The following MPRIP variants were observed in gnomAD, a reference collection of about 807,000 sequenced individuals.
The protein encoded by MPRIP is myosin phosphatase Rho interacting protein, also known as myosin phosphatase Rho-interacting protein.
A neutral mutation model predicts 234.9 loss-of-function variants in MPRIP; 59 were observed. The observed-to-expected ratio is 0.25, with a 90% CI of 0.20 to 0.31. The LOEUF is 0.31. Ranked by LOEUF, MPRIP falls within the 10% of genes least tolerant of loss-of-function variation. MPRIP has a pLI of 1.00. For synonymous variants in MPRIP, 1,144 were observed against 1,263.9 expected, an observed-to-expected ratio of 0.91 and a Z score of 2.01; for missense variants, 2,436 against 3,071.0, an observed-to-expected ratio of 0.79 and a Z score of 4.89.
chr17:17,166,415 T>A lies in MPRIP; in HGVS notation c.4824T>A (p.Ala1608=), dbSNP rs2045998412. ...CAGGACAGCCACCGATGGAATCTGC[T>A]GGGGCCCCCGTAGACACCTGGGCCA... is the stretch of plus-strand genomic sequence containing the variant. ...SWSGQPPMES[A]GAPVDTWARK... is the part of the protein sequence containing the mutation. Residue 1608 remains alanine (A), a synonymous_variant, in exon 16 of 24, where the codon GCT becomes GCA. Transcript: ENST00000651222. This position sits in a 1 kb window ranked among gnomAD's most constrained non-coding sequence, Gnocchi z 4.4. 1 of 1,304,316 alleles carries A rather than the reference T, an allele frequency of 7.7e-7. No individual in the cohort carries two copies. Among genetic ancestry groups the A allele is most frequent in the African/African-American group, 1.5e-5 (1 of 65,880 alleles). The allele number at this position is 1,304,316 out of a possible 1,614,324, so 80.8% of individuals were successfully genotyped here.
At chr17:17,155,457 T>C (rs1163538930) in intron 13 of MPRIP, among the ~76,000 whole-genome samples, 1 of 152,200 alleles carries the variant, frequency 6.6e-6, no homozygotes, top group East Asian at 1.9e-4. Flanking sequence ...TTGGCCAGGC[T>C]GGTCTTGAAC....
At chr17:17,145,876 C>T (rs973350492) in intron 9 of MPRIP, among the ~76,000 whole-genome samples, 160 bp from the exon 10 acceptor site, 1 of 152,200 alleles carries the variant, frequency 6.6e-6, no homozygotes, top group Non-Finnish European at 1.5e-5. Flanking sequence ...TGGTTGCAGG[C>T]AGCACCCACC....
At position 17,138,067 on chromosome 17, in the gene MPRIP, C is replaced by T. The variant is rs2090741221; in HGVS notation, c.888C>T (p.Pro296=). The T allele has an allele frequency of 1.9e-6, 3 of 1,603,674 alleles. No individual in the cohort carries two copies. The highest frequency in any genetic ancestry group is 2.6e-6 in the Non-Finnish European group (3 of 1,175,324). Residue 296 remains proline (P), a synonymous_variant, in exon 7 of 24, where the codon CCC becomes CCT. Transcript: ENST00000651222. This position sits in a 1 kb window ranked among gnomAD's most constrained non-coding sequence, Gnocchi z 5.8. ...PPLSPPSPST[P]NHRYSCPESP... ...TCTCCCCTCCCAGCCCCAGCACCCC[C>T]AACCACAGGTACAGTTGCCCCGAGT...
At chr17:17,128,615 A>G (rs2090538226) in intron 4 of MPRIP, among the ~76,000 whole-genome samples, 1 of 151,512 alleles carries the variant, frequency 6.6e-6, no homozygotes, top group Admixed American at 6.6e-5. Flanking sequence ...GGCGTATCCA[A>G]AGCCAGAATA....
chr17:17,051,180 G>A (rs1251212634), intron 1 of MPRIP, among the ~76,000 whole-genome samples: 1 of 152,242 alleles, frequency 6.6e-6, no homozygotes, highest in Admixed American at 6.5e-5. Flanking sequence ...GCCTCTGGGG[G>A]AAGTAGCCTT....
chr17:17,177,678 A>G (rs564316852), intron 22 of MPRIP, among the ~76,000 whole-genome samples: 3 of 152,160 alleles, frequency 2.0e-5, no homozygotes, highest in East Asian at 1.9e-4. Flanking sequence ...AACAAGTCTT[A>G]TTTTTCTAAA....
rs3833098 is a variant in MPRIP at position 17,136,247 on chromosome 17, CCAGCAGCAG to C, written c.560_568del (p.Ser187_Ser189del). ...CCTGGGCCTGCCAAGGTGGCTGTTA[CCAGCAGCAG>C]CAGCAGCAGCAGCAGCAGCAGCAGC... On this transcript the variant is annotated inframe_deletion, in exon 6 of 24. Coordinates refer to ENST00000651222, the MANE Select transcript of MPRIP (RefSeq NM_001364716.4). The C allele has an allele frequency of 1.2e-3, 1,817 of 1,555,542 alleles. 2 individuals are homozygous for C. The highest frequency in any genetic ancestry group is 1.3e-3 in the Non-Finnish European group (1,465 of 1,139,402).
chr17:17,130,578 C>T (rs532951258), intron 4 of MPRIP, among the ~76,000 whole-genome samples: 1 of 144,128 alleles, frequency 6.9e-6, no homozygotes, highest in South Asian at 2.4e-4. Context: ...GCAGTACAGA[C>T]CCCCCCATCC....
At chr17:17,079,949 G>C (rs1344805890) in intron 3 of MPRIP, among the ~76,000 whole-genome samples, 3 of 152,234 alleles carry the variant, frequency 2.0e-5, no homozygotes, top group Non-Finnish European at 4.4e-5. Flanking sequence ...ACCTGGATAT[G>C]AGTTGCGTAT....
rs756719541 is a variant in MPRIP, at chr17:17,077,978, C to T, written c.202-33C>T. ...CAAGCTCTGGGGCCAGGACCCAGAT[C>T]CTCCTAACCACCCACCTTGTGCTCC... On this transcript the variant is annotated intron_variant, in intron 2 of 23. Transcript: ENST00000651222. 5.6e-6 allele frequency: 9 copies of T among 1,612,734 alleles called. No homozygotes were observed. The South Asian group carries it at 7.7e-5, about 14-fold the overall frequency.
intron 15 of MPRIP, among the ~76,000 whole-genome samples, chr17:17,162,465 G>A (rs2045894484): frequency 6.6e-6 from 1 of 152,198 alleles, no homozygotes; most frequent in African/African-American, 2.4e-5. Context: ...CTTCTCCTGT[G>A]TGCTCCCTGG....
At chr17:17,154,479 A>T in intron 13 of MPRIP, 64 bp downstream of exon 13, 1 of 1,403,608 alleles carries the variant, frequency 7.1e-7, no homozygotes, top group Non-Finnish European at 1.0e-6. Flanking sequence ...CCGCCAGGGC[A>T]GTGTCAGACT....
rs778457905 is a variant in MPRIP, at chr17:17,177,331, A to G, written c.7039A>G (p.Ser2347Gly). The change falls in exon 22 of 24, where the codon AGC becomes GGC. Residue 2347 changes from serine to glycine, a missense_variant. By Grantham distance (56) the Ser-to-Gly change is moderately conservative. Coordinates refer to ENST00000651222, the MANE Select transcript of MPRIP (RefSeq NM_001364716.4). The part of the protein sequence containing the change: ...IAKAKADCDI[S>G]RLKEQLKAAT... Reference sequence around the variant, plus strand: ...GAAGGCTAAGGCTGACTGTGACATCAGCAGGTTGAAGGAGCAGCTCAAGGC... The same window carrying G: ...GAAGGCTAAGGCTGACTGTGACATCGGCAGGTTGAAGGAGCAGCTCAAGGC... 2 of 1,614,004 alleles carry G rather than the reference A, an allele frequency of 1.2e-6. No homozygotes were observed. The highest frequency in any genetic ancestry group is 1.7e-6 in the Non-Finnish European group (2 of 1,180,042).
intron 1 of MPRIP, among the ~76,000 whole-genome samples, chr17:17,074,827 TCTGG>T (rs2089289969): frequency 6.6e-6 from 1 of 152,222 alleles, no homozygotes; most frequent in Admixed American, 6.5e-5. Context: ...CATTCCTTTT[TCTGG>T]CTGAATAATG....
rs1028884372 is a variant in MPRIP at position 17,138,680 on chromosome 17, A to G, written c.1250+251A>G. ...AGCAGTTTTCACATCAGTGCCTCCTAGGACTGGGACCTTAAGGTTCCCTGA... is the reference window on the plus strand; with the variant it reads ...AGCAGTTTTCACATCAGTGCCTCCTGGGACTGGGACCTTAAGGTTCCCTGA... On this transcript the variant is annotated intron_variant, in intron 7 of 23. Coordinates refer to ENST00000651222, the MANE Select transcript of MPRIP (RefSeq NM_001364716.4). The surrounding 1 kb of genome is among the most constrained non-coding windows in gnomAD (Gnocchi z 5.8). 4.6e-5 allele frequency among the ~76,000 whole-genome samples: 7 copies of G among 152,306 alleles called. No homozygotes were observed. In the South Asian group the frequency reaches 6.2e-4, roughly 14 times the overall value.
At chr17:17,137,808 T>G in intron 6 of MPRIP, 108 bp from the exon 7 acceptor site, 2 of 914,288 alleles carry the variant, frequency 2.2e-6, no homozygotes, top group South Asian at 4.5e-5. Flanking sequence ...AGACGGGAGG[T>G]GGAGAAGGCC....
intron 19 of MPRIP, among the ~76,000 whole-genome samples, chr17:17,174,447 A>G (rs1037138129): frequency 6.6e-6 from 1 of 152,150 alleles, no homozygotes; most frequent in Non-Finnish European, 1.5e-5. Flanking sequence ...GGTCATCCCA[A>G]TCCTCCAGGA....
chr17:17,094,989 G>A (rs138901952), intron 3 of MPRIP, among the ~76,000 whole-genome samples: 3 of 151,976 alleles, frequency 2.0e-5, no homozygotes, highest in East Asian at 3.9e-4. Context: ...CTTCTGACTC[G>A]ATTCTCTAAG....
At chr17:17,068,141 GTTTT>G (rs1040640750) in intron 1 of MPRIP, among the ~76,000 whole-genome samples, 2 of 151,400 alleles carry the variant, frequency 1.3e-5, no homozygotes, top group Non-Finnish European at 2.9e-5. Context: ...TGTCAGCAGT[GTTTT>G]TTTGTTTTGT....
Sources: allele counts gnomAD v4.1 joint callset (sites outside exome capture counted in the v4.1 genomes callset), GRCh38; gene constraint gnomAD v4.1.1; non-coding constraint Gnocchi (gnomAD v3.1); transcripts MANE v1.5; gene names NCBI Gene and HGNC (gene_info 2026-07-23, HGNC 2026-07-21).